CALD1: variants seen among roughly 807,000 people sequenced by gnomAD.
CALD1 encodes the protein caldesmon 1, also known as caldesmon.
CALD1 carries 33 observed loss-of-function variants against 99.9 expected under a neutral mutation model. The ratio of observed to expected loss-of-function variants is 0.33; its 90% CI spans 0.25 to 0.44. CALD1 has a LOEUF of 0.44. CALD1 is among the 20% of genes least tolerant of loss of function. The pLI, the probability that CALD1 is intolerant of heterozygous loss-of-function variation, is 1.00. For synonymous variants in CALD1, 310 were observed against 325.0 expected, an observed-to-expected ratio of 0.95 and a Z score of 0.50; for missense variants, 861 against 962.1, an observed-to-expected ratio of 0.89 and a Z score of 1.39.
chr7:134,777,274 T>A (rs1236536794), upstream of CALD1, among the ~76,000 whole-genome samples: 15 of 152,214 alleles, frequency 9.9e-5, no homozygotes, highest in Non-Finnish European at 7.3e-5. Flanking sequence ...ATTCTTCAAC[T>A]ATATAGTTCC....
intron 3 of CALD1, among the ~76,000 whole-genome samples, chr7:134,871,606 CTTA>C (rs1801080795): frequency 3.3e-5 from 5 of 152,160 alleles, no homozygotes; most frequent in Admixed American, 3.3e-4. Context: ...TGGGTTCATA[CTTA>C]TTAGAGATGA....
At chr7:134,920,810 G>A in intron 3 of CALD1, 1 of 623,964 alleles carries the variant, frequency 1.6e-6, no homozygotes, top group Non-Finnish European at 2.5e-6. Flanking sequence ...AATTTTAGGT[G>A]CAGAGTTCTT....
intron 1 of CALD1, among the ~76,000 whole-genome samples, chr7:134,791,002 T>A (rs1206944309): frequency 6.7e-6 from 1 of 149,174 alleles, no homozygotes; most frequent in Non-Finnish European, 1.5e-5. Flanking sequence ...AGGACTGTAT[T>A]TCTCTGTCCA....
At chr7:134,791,980 A>C (rs1442188819) in intron 1 of CALD1, among the ~76,000 whole-genome samples, 4 of 152,234 alleles carry the variant, frequency 2.6e-5, no homozygotes, top group Admixed American at 2.6e-4. Context: ...GTATGGGGGC[A>C]ACTGCCGCCG....
chr7:134,883,748 G>C (rs1801716003), intron 3 of CALD1, among the ~76,000 whole-genome samples: 1 of 152,190 alleles, frequency 6.6e-6, no homozygotes, highest in Non-Finnish European at 1.5e-5. Context: ...AACTGCATTA[G>C]GTCTCCCAGA....
rs114103910 is a variant in CALD1, at chr7:134,891,429, G to A, written c.71+23625G>A. The stretch of plus-strand genomic sequence containing the variant: ...GGTTGGGAGGAGTAGATTTGGCTGA[G>A]GACAAGCCCAGACTTTCGTCACAGG... On this transcript the variant is annotated intron_variant, in intron 3 of 14. Coordinates refer to ENST00000361675, the MANE Select transcript of CALD1 (RefSeq NM_033138.4). 3,162 of 1,304,666 alleles carry A rather than the reference G, an allele frequency of 2.4e-3. 70 individuals are homozygous for A. The African/African-American group carries it at 0.042, about 17-fold the overall frequency. The allele number at this position is 1,304,666 out of a possible 1,614,324, so 80.8% of individuals were successfully genotyped here.
intron 3 of CALD1, among the ~76,000 whole-genome samples, chr7:134,869,815 G>T (rs2132335943): frequency 6.6e-6 from 1 of 152,268 alleles, no homozygotes; most frequent in East Asian, 1.9e-4. Context: ...CAAAAGCTGA[G>T]GGGATATTCC....
At chr7:134,755,132 C>T (rs1796716252) in intron 1 of CALD1, among the ~76,000 whole-genome samples, 1 of 152,112 alleles carries the variant, frequency 6.6e-6, no homozygotes, top group African/African-American at 2.4e-5. Flanking sequence ...TTCTGAGTAG[C>T]TGGGATTACA....
chr7:134,770,229 C>T (rs1796866252), intron 1 of CALD1, among the ~76,000 whole-genome samples: 1 of 152,222 alleles, frequency 6.6e-6, no homozygotes, highest in African/African-American at 2.4e-5. Flanking sequence ...TGACTGGACT[C>T]ACCGGCCCAG....
intron 2 of CALD1, among the ~76,000 whole-genome samples, chr7:134,865,098 A>C (rs2132305010): frequency 6.6e-6 from 1 of 152,200 alleles, no homozygotes; most frequent in East Asian, 1.9e-4. Flanking sequence ...TGTTGCTGAA[A>C]AGAATTCAGC....
chr7:134,932,245 G>T (rs529380345), intron 4 of CALD1, among the ~76,000 whole-genome samples: 13 of 152,336 alleles, frequency 8.5e-5, no homozygotes, highest in African/African-American at 3.1e-4. Flanking sequence ...AGCAGGAATT[G>T]TAAGGGACAC....
chr7:134,809,485 A>T (rs1381282646), intron 1 of CALD1: 1 of 152,246 alleles, frequency 6.6e-6, no homozygotes, highest in Non-Finnish European at 1.5e-5. Context: ...TAAATAATTT[A>T]GCCACTGCCT....
rs1797201753 is a variant in CALD1 at position 134,783,784 on chromosome 7, C to G, written c.-130+4035C>G. Among the ~76,000 whole-genome samples, 1 of 151,942 alleles carries G rather than the reference C, an allele frequency of 6.6e-6. No homozygotes were observed. Among genetic ancestry groups the G allele is most frequent in the Non-Finnish European group, 1.5e-5 (1 of 68,002 alleles). ...GTCAGATCTGGATTCCCATAGAAGA[C>G]AAGGGTGGATGGGATCAGAACATGA... On this transcript the variant is annotated intron_variant, in intron 1 of 14. Coordinates refer to ENST00000361675, the MANE Select transcript of CALD1 (RefSeq NM_033138.4). This position sits in a 1 kb window ranked among gnomAD's most constrained non-coding sequence, Gnocchi z 4.3.
rs1231822027 is a variant in CALD1, at chr7:134,962,883, T to G, written c.2295+2255T>G. 4 of 456,584 alleles carry G rather than the reference T, an allele frequency of 8.8e-6. No individual in the cohort carries two copies. In the Admixed American group the frequency reaches 9.4e-5, roughly 11 times the overall value. 28.3% of individuals were successfully genotyped at this position (456,584 alleles called of 1,614,324 possible). A position where few individuals can be genotyped will look rare whatever the true frequency, so the allele number is the denominator to read the frequency against. The stretch of plus-strand genomic sequence containing the variant: ...TGGAAACCTGCTTCTCCTGCCTTCA[T>G]TTCTCCCTCTTCTTCCGGAGTGGGT... On this transcript the variant is annotated intron_variant, in intron 13 of 14. Coordinates refer to ENST00000361675, the MANE Select transcript of CALD1 (RefSeq NM_033138.4).
intron 1 of CALD1, among the ~76,000 whole-genome samples, chr7:134,763,650 T>C (rs1796797773): frequency 6.6e-6 from 1 of 152,172 alleles, no homozygotes; most frequent in South Asian, 2.1e-4. Context: ...CTGGGCGCAA[T>C]GGCTCACGTC....
Position 134,960,614 on chromosome 7 carries a change from G to A in CALD1, c.2281G>A (p.Ala761Thr), listed in dbSNP as rs773141264. 1.2e-6 allele frequency: 2 copies of A among 1,608,766 alleles called. No homozygotes were observed. The change falls in exon 13 of 15, where the codon GCT becomes ACT. Residue 761 changes from alanine to threonine, a missense_variant. Ala to Thr is a moderately conservative substitution (Grantham distance 58). Coordinates refer to ENST00000361675, the MANE Select transcript of CALD1 (RefSeq NM_033138.4). Reference protein sequence around the residue: ...TKTPDGNKSPAPKPSDLRPGD... With the variant: ...TKTPDGNKSPTPKPSDLRPGD... ...AACCCCAGATGGAAACAAGTCACCT[G>A]CTCCCAAACCTTCTGTAAGTACCTT...
At chr7:134,922,687 G>A (rs568748443) in intron 3 of CALD1, among the ~76,000 whole-genome samples, 13 of 152,302 alleles carry the variant, frequency 8.5e-5, no homozygotes, top group Admixed American at 3.3e-4. Context: ...TCTGGCTCTC[G>A]TCTGGCATAT....
chr7:134,784,451 G>A (rs1797229322), intron 1 of CALD1, among the ~76,000 whole-genome samples: 1 of 152,218 alleles, frequency 6.6e-6, no homozygotes, highest in Admixed American at 6.5e-5. Flanking sequence ...CTGGGGTCAG[G>A]AGGACCAGTC....
At chr7:134,857,970 A>G (rs1268954278) in intron 2 of CALD1, among the ~76,000 whole-genome samples, 1 of 152,180 alleles carries the variant, frequency 6.6e-6, no homozygotes, top group Admixed American at 6.5e-5. Context: ...CATCTAAGCT[A>G]TCCTACTTTA....
Sources: gnomAD v4.1 joint callset for allele counts (sites outside exome capture counted in the v4.1 genomes callset) on GRCh38, gnomAD v4.1.1 for gene constraint, Gnocchi (gnomAD v3.1) non-coding constraint, MANE v1.5 for transcripts, NCBI Gene and HGNC (gene_info 2026-07-23, HGNC 2026-07-21) for gene names.